Variants in SRFBP1 observed in about 807,000 individuals in gnomAD.
SRFBP1 encodes serum response factor-binding protein 1.
A neutral mutation model predicts 45.5 loss-of-function variants in SRFBP1; 47 were observed. The ratio of observed to expected loss-of-function variants is 1.03; its 90% CI spans 0.82 to 1.32. SRFBP1 has a LOEUF of 1.32. Among genes scored for constraint, SRFBP1 ranks in the 40% most tolerant of loss-of-function variants. The pLI is 0.00. For missense variants in SRFBP1, 621 were observed against 484.6 expected (o/e 1.28, Z -2.64); for synonymous variants, 203 against 166.3 (o/e 1.22, Z -1.70).
chr5:122,008,242 T>C (rs1390870454), intron 4 of SRFBP1, among the ~76,000 whole-genome samples: 1 of 152,130 alleles, frequency 6.6e-6, no homozygotes, highest in East Asian at 1.9e-4. Context: ...CTGGGGCCAC[T>C]GATGTTGGCC....
chr5:122,077,343 G>C, downstream of SRFBP1: 1 of 1,613,612 alleles, frequency 6.2e-7, no homozygotes, highest in Non-Finnish European at 8.5e-7. This position sits in a 1 kb window ranked among gnomAD's most constrained non-coding sequence, Gnocchi z 4.9. Flanking sequence ...CAGCGGACTT[G>C]GGGGTACTTA....
At chr5:121,989,144 A>C (rs181821151) in intron 3 of SRFBP1, among the ~76,000 whole-genome samples, 35 of 151,454 alleles carry the variant, frequency 2.3e-4, no homozygotes, top group Non-Finnish European at 4.4e-4. Context: ...GCTCACTGCA[A>C]CCTCCACCTC....
intron 2 of SRFBP1, among the ~76,000 whole-genome samples, chr5:122,050,525 G>T (rs987367591): frequency 5.3e-5 from 8 of 152,102 alleles, no homozygotes; most frequent in African/African-American, 1.9e-4. Flanking sequence ...TAGTTTGGGT[G>T]CATAGAAGTG....
At chr5:122,078,263 G>C, downstream of SRFBP1, 1 of 373,480 alleles carries the variant, frequency 2.7e-6, no homozygotes, top group South Asian at 1.1e-4. Context: ...AGTGTCTGGA[G>C]TGAAGGAAGG....
intron 2 of SRFBP1, among the ~76,000 whole-genome samples, chr5:122,038,915 C>A (rs1387824255): frequency 1.3e-5 from 2 of 152,104 alleles, no homozygotes; most frequent in South Asian, 2.1e-4. Flanking sequence ...CTATAAAAAA[C>A]CCCAAGGAGG....
intron 7 of SRFBP1, among the ~76,000 whole-genome samples, chr5:122,023,684 T>C (rs780956990): frequency 6.6e-6 from 1 of 152,136 alleles, no homozygotes; most frequent in Non-Finnish European, 1.5e-5. Context: ...CATGATCTCT[T>C]TGGAGTTTGC....
At chr5:121,979,340 G>C (rs952348393) in intron 3 of SRFBP1, among the ~76,000 whole-genome samples, 5 of 152,148 alleles carry the variant, frequency 3.3e-5, no homozygotes, top group Admixed American at 6.5e-5. Flanking sequence ...TTTTTTAAAA[G>C]TTACCAAGTT....
chr5:122,004,808 G>GT (rs1395202978), intron 4 of SRFBP1, among the ~76,000 whole-genome samples: 3 of 152,004 alleles, frequency 2.0e-5, no homozygotes, highest in African/African-American at 7.2e-5. Flanking sequence ...TCTTAGAACT[G>GT]TTTTTGCTGT....
downstream of SRFBP1, among the ~76,000 whole-genome samples, chr5:122,031,992 T>TA (rs1753596164): frequency 6.6e-6 from 1 of 152,182 alleles, no homozygotes; most frequent in Non-Finnish European, 1.5e-5. Flanking sequence ...AGTGAGTGCA[T>TA]GCTAATGAGT....
intron 3 of SRFBP1, among the ~76,000 whole-genome samples, chr5:121,988,210 GC>G (rs1293132385): frequency 6.6e-6 from 1 of 152,102 alleles, no homozygotes; most frequent in Non-Finnish European, 1.5e-5. Context: ...ACAGAATATA[GC>G]CACAAAGCAG....
intron 1 of SRFBP1, among the ~76,000 whole-genome samples, chr5:121,965,956 C>T (rs746270519): frequency 3.9e-5 from 6 of 152,128 alleles, no homozygotes; most frequent in East Asian, 3.9e-4. Context: ...AATTGTGAAT[C>T]GGGAGTTCAC....
At chr5:121,978,947 T>C (rs978116199) in intron 3 of SRFBP1, among the ~76,000 whole-genome samples, 1 of 152,200 alleles carries the variant, frequency 6.6e-6, no homozygotes, top group Non-Finnish European at 1.5e-5. Flanking sequence ...TCTCCTTTTG[T>C]TCTATTCTTC....
intron 2 of SRFBP1, among the ~76,000 whole-genome samples, chr5:122,053,914 G>A (rs140245936): frequency 2.6e-5 from 4 of 152,264 alleles, no homozygotes; most frequent in Non-Finnish European, 4.4e-5. Flanking sequence ...CACAAAAACA[G>A]GACCACTGGG....
Position 121,976,548 on chromosome 5 carries a change from T to C in SRFBP1, c.198+1161T>C, listed in dbSNP as rs141921283. 2.0e-3 allele frequency among the ~76,000 whole-genome samples: 311 copies of C among 151,936 alleles called. 2 individuals carry two copies. Among genetic ancestry groups the C allele is most frequent in the African/African-American group, 7.0e-3 (292 of 41,530 alleles). ...TTGAGAATAGCAATAAAATAGGAAG[T>C]TACAATTTATCTCTTTCACTTTCTC... On this transcript the variant is annotated intron_variant, in intron 3 of 7. Transcript: ENST00000339397.
chr5:122,077,814 G>A (rs955558761), downstream of SRFBP1: 35 of 1,551,408 alleles, frequency 2.3e-5, no homozygotes, highest in African/African-American at 2.7e-5. This position sits in a 1 kb window ranked among gnomAD's most constrained non-coding sequence, Gnocchi z 4.9. Flanking sequence ...CCCAGGCTCA[G>A]CAAGCTGAAC....
chr5:122,033,451 A>G (rs1040574550), downstream of SRFBP1, among the ~76,000 whole-genome samples: 3 of 151,320 alleles, frequency 2.0e-5, no homozygotes, highest in Non-Finnish European at 2.9e-5. Context: ...TTTGCTTGCT[A>G]CTTCATCCAA....
chr5:122,066,701 C>T (rs777190682), intron 2 of SRFBP1: 1 of 1,568,898 alleles, frequency 6.4e-7, no homozygotes, highest in Admixed American at 1.7e-5. Context: ...CACTTCAGAA[C>T]ACCAGGCACT....
chr5:121,998,975 T>C (rs184149623), intron 4 of SRFBP1, among the ~76,000 whole-genome samples: 2 of 152,272 alleles, frequency 1.3e-5, no homozygotes, highest in Non-Finnish European at 1.5e-5. Flanking sequence ...GATTTTTCTG[T>C]ATTGCGTTTG....
intron 6 of SRFBP1, 101 bp from the exon 7 acceptor site, chr5:122,022,269 T>C (rs1459723540): frequency 1.1e-6 from 1 of 900,034 alleles, no homozygotes; most frequent in Non-Finnish European, 1.7e-6. Context: ...AGGAGTATAG[T>C]GGCCCTTTGA....
Sources: allele counts gnomAD v4.1 joint callset (sites outside exome capture counted in the v4.1 genomes callset), GRCh38; gene constraint gnomAD v4.1.1; non-coding constraint Gnocchi (gnomAD v3.1); transcripts MANE v1.5; gene names NCBI Gene and HGNC (gene_info 2026-07-23, HGNC 2026-07-21).